Variants in HEPH observed in about 807,000 individuals in gnomAD.
HEPH encodes the protein hephaestin.
Under a neutral mutation model 80.8 loss-of-function variants are expected in HEPH, and 69 were observed. That is an observed-to-expected ratio of 0.85 (90% CI 0.70 to 1.04). The LOEUF (loss-of-function observed/expected upper bound fraction) is 1.04, where lower values mean the gene tolerates loss of function less well. HEPH is among the 50% of genes least tolerant of loss of function. The pLI is 0.00. For missense variants in HEPH, 1,115 were observed against 891.3 expected (o/e 1.25, Z -3.20); for synonymous variants, 431 against 322.8 (o/e 1.34, Z -3.60).
intron 8 of HEPH, among the ~76,000 whole-genome samples, chrX:66,194,217 C>A (rs2087964678): frequency 9.0e-6 from 1 of 111,387 alleles, no homozygotes; most frequent in Admixed American, 9.6e-5. Context: ...ATATAATGGA[C>A]CATACTCGGG....
intron 15 of HEPH, among the ~76,000 whole-genome samples, chrX:66,212,054 C>T (rs761391998): frequency 1.8e-5 from 2 of 109,714 alleles, no homozygotes; most frequent in Non-Finnish European, 3.8e-5. Flanking sequence ...GTAATATGAT[C>T]TGTCATTGTG....
rs185185997 is a variant in HEPH at position 66,208,214 on chromosome X, C to G, written c.2531C>G (p.Ser844Cys). ...GTGCATGCTCATGGAGTGCTAGAAT[C>G]TACTACTGTCTGGCCACTGGCTGCT... ...YSVHAHGVLE[S>C]TTVWPLAAEP... Residue 844 changes from serine to cysteine, a missense_variant, in exon 15 of 21, where the codon TCT becomes TGT. Transcript: ENST00000343002. 43 of 1,206,493 alleles carry G rather than the reference C, an allele frequency of 3.6e-5. 1 individual carries two copies. The Middle Eastern group carries it at 3.9e-3, about 110-fold the overall frequency.
At chrX:66,209,472 C>A (rs919461997) in intron 15 of HEPH, among the ~76,000 whole-genome samples, 8 of 110,752 alleles carry the variant, frequency 7.2e-5, no homozygotes. Context: ...AAACAGGTGA[C>A]CTAAAGGATG....
At chrX:66,217,081 G>T (rs1365400941) in intron 15 of HEPH, among the ~76,000 whole-genome samples, 3 of 110,942 alleles carry the variant, frequency 2.7e-5, no homozygotes, top group South Asian at 3.8e-4. Flanking sequence ...AGGAAGAAGA[G>T]AAATCTAAAA....
intron 15 of HEPH, among the ~76,000 whole-genome samples, chrX:66,252,241 G>A (rs1317799301): frequency 8.9e-6 from 1 of 111,844 alleles, no homozygotes; most frequent in Non-Finnish European, 1.9e-5. Flanking sequence ...AGAGGAGAAG[G>A]TTTGGGGGAA....
chrX:66,194,382 C>T (rs192834397), intron 8 of HEPH, among the ~76,000 whole-genome samples: 32 of 110,847 alleles, frequency 2.9e-4, no homozygotes, highest in African/African-American at 9.5e-4. Flanking sequence ...GTATGAGTGC[C>T]CAGTCTTTGA....
chrX:66,251,755 T>A (rs992771844), intron 15 of HEPH, among the ~76,000 whole-genome samples: 4 of 111,713 alleles, frequency 3.6e-5, no homozygotes, highest in Admixed American at 9.6e-5. Context: ...GATCTCAATG[T>A]ATTTAAGGAA....
Position 66,173,763 on chromosome X carries a change from C to CA in HEPH, c.589dup (p.Thr197AsnfsTer11). 1 of 1,202,292 alleles carries CA rather than the reference C, an allele frequency of 8.3e-7. No homozygotes were observed. Among genetic ancestry groups the CA allele is most frequent in the Non-Finnish European group, 1.1e-6 (1 of 890,409 alleles). ...CATGTAGATGCTCCACGAGACATTG[C>CA]AACTGGCCTAATTGGGCCTCTCATC... On this transcript the variant is annotated frameshift_variant, in exon 4 of 21. Coordinates refer to ENST00000343002, the MANE Select transcript of HEPH (RefSeq NM_001367233.3). LOFTEE classifies it high-confidence loss of function.
chrX:66,177,057 C>T (rs2086841626), intron 4 of HEPH, among the ~76,000 whole-genome samples: 1 of 111,446 alleles, frequency 9.0e-6, no homozygotes, highest in Non-Finnish European at 1.9e-5. Flanking sequence ...AAAATTTTTG[C>T]AACCTACTCA....
chrX:66,186,251 G>A (rs1407740860), intron 4 of HEPH, among the ~76,000 whole-genome samples: 1 of 90,937 alleles, frequency 1.1e-5, no homozygotes, highest in Non-Finnish European at 2.1e-5. Context: ...CTTCCAGGCT[G>A]CTTTGTTTAC....
At chrX:66,234,524 C>A (rs2090281888) in intron 15 of HEPH, among the ~76,000 whole-genome samples, 1 of 111,384 alleles carries the variant, frequency 9.0e-6, no homozygotes, top group Non-Finnish European at 1.9e-5. Flanking sequence ...TTAATTTACA[C>A]TCCCACCAAC....
chrX:66,221,979 C>A (rs1424376715), intron 15 of HEPH, among the ~76,000 whole-genome samples: 1 of 112,164 alleles, frequency 8.9e-6, no homozygotes, highest in East Asian at 2.8e-4. Flanking sequence ...GATGAAATGC[C>A]AGGGTGAAAG....
chrX:66,190,640 C>A (rs1277753685), intron 6 of HEPH, among the ~76,000 whole-genome samples: 1 of 111,944 alleles, frequency 8.9e-6, no homozygotes, highest in Non-Finnish European at 1.9e-5. Flanking sequence ...TCTCTTAAAT[C>A]CTCTTCAGCT....
In HEPH at chrX:66,170,740, A is replaced by G. The variant is rs757128336; in HGVS notation, c.167+3A>G. ...AACCAGCCTCTGGACAGTGACATGTAGGTTTAATTTCTTGTGGTATTTGAG... is the reference window on the plus strand; with the variant it reads ...AACCAGCCTCTGGACAGTGACATGTGGGTTTAATTTCTTGTGGTATTTGAG... On this transcript the variant is annotated splice_donor_region_variant and intron_variant, in intron 2 of 20. Transcript: ENST00000343002. 9.1e-5 allele frequency: 109 copies of G among 1,202,544 alleles called. No individual in the cohort carries two copies. The highest frequency in any genetic ancestry group is 6.3e-5 in the Non-Finnish European group (56 of 890,216).
intron 15 of HEPH, among the ~76,000 whole-genome samples, chrX:66,252,354 G>A (rs1263911140): frequency 1.8e-5 from 2 of 111,606 alleles, no homozygotes; most frequent in Admixed American, 9.5e-5. Flanking sequence ...TGGAGAGGTT[G>A]GAGAGAAGTT....
intron 19 of HEPH, among the ~76,000 whole-genome samples, chrX:66,261,617 C>G (rs1298447357): frequency 9.3e-6 from 1 of 107,999 alleles, no homozygotes; most frequent in African/African-American, 3.4e-5. Context: ...GGTTGTCAGT[C>G]ATTGGCATTC....
chrX:66,168,449 C>A (rs1025443275), intron 1 of HEPH, among the ~76,000 whole-genome samples: 5 of 111,447 alleles, frequency 4.5e-5, no homozygotes, highest in African/African-American at 1.6e-4. Context: ...AAAACTGGTT[C>A]TGAGTGGTTA....
At chrX:66,256,624 G>A (rs1233075198) in intron 17 of HEPH, among the ~76,000 whole-genome samples, 1 of 111,871 alleles carries the variant, frequency 8.9e-6, no homozygotes, top group Non-Finnish European at 1.9e-5. Context: ...AAATGGACAT[G>A]TATGACCTTC....
At chrX:66,246,126 G>C (rs2090795936) in intron 15 of HEPH, among the ~76,000 whole-genome samples, 1 of 112,066 alleles carries the variant, frequency 8.9e-6, no homozygotes, top group Non-Finnish European at 1.9e-5. Context: ...GGTGTAGCCT[G>C]TCTGTCCATG....
Sources: gnomAD v4.1 joint callset for allele counts (sites outside exome capture counted in the v4.1 genomes callset) on GRCh38, gnomAD v4.1.1 for gene constraint, MANE v1.5 for transcripts, NCBI Gene and HGNC (gene_info 2026-07-23, HGNC 2026-07-21) for gene names.